Variants in ONECUT3 observed in about 807,000 individuals in gnomAD.
ONECUT3 encodes one cut domain family member 3.
In ONECUT3, 11 loss-of-function variants were observed where a neutral mutation model predicts 16.8. That is an observed-to-expected ratio of 0.66 (90% confidence interval 0.41 to 1.09). The LOEUF is 1.09. ONECUT3 is among the 50% of genes least tolerant of loss of function. ONECUT3 has a pLI of 0.00. For synonymous variants in ONECUT3, 344 were observed against 310.7 expected (o/e 1.11, Z -1.13); for missense variants, 637 against 629.9 (o/e 1.01, Z -0.12).
rs1453815096 is a variant in ONECUT3 at position 1,758,733 on chromosome 19, C to T, written c.1192+3879C>T. Among the ~76,000 whole-genome samples, 2 of 151,562 alleles carry T rather than the reference C, an allele frequency of 1.3e-5. No homozygotes were observed. The highest frequency in any genetic ancestry group is 4.8e-5 in the African/African-American group (2 of 41,238). On this transcript the variant is annotated intron_variant, in intron 1 of 1. Transcript: ENST00000382349. This position sits in a 1 kb window ranked among gnomAD's most constrained non-coding sequence, Gnocchi z 5.9. ...TCCTGGTCAAAGCTCTCCCCTGGCG[C>T]CGTCTCCAACAGTAATTATGGGAGA...
intron 1 of ONECUT3, 27 bp from the exon 2 acceptor site, chr19:1,775,126 G>GGGCGCCCCC: frequency 8.7e-7 from 1 of 1,143,898 alleles, no homozygotes; most frequent in Non-Finnish European, 1.2e-6. Context: ...TGTCCCGCTC[G>GGGCGCCCCC]CCCGCCCGCC....
rs532583632 is a variant in ONECUT3 at position 1,757,874 on chromosome 19, C to T, written c.1192+3020C>T. 3.1e-3 allele frequency among the ~76,000 whole-genome samples: 467 copies of T among 152,330 alleles called. 1 individual carries two copies. Among genetic ancestry groups the T allele is most frequent in the Admixed American group, 6.3e-3 (96 of 15,306 alleles). On this transcript the variant is annotated intron_variant, in intron 1 of 1. Transcript: ENST00000382349. ...GCTCGGAAAGGGAACTCTGCCCCCG[C>T]CCCGCCCCCGCACCATTTCAACCCC...
chr19:1,763,505 C>G (rs977416766), intron 1 of ONECUT3, among the ~76,000 whole-genome samples: 8 of 151,290 alleles, frequency 5.3e-5, no homozygotes, highest in Non-Finnish European at 8.8e-5. Context: ...ATGACTGCGT[C>G]ACTTCATTCC....
At position 1,759,509 on chromosome 19, in the gene ONECUT3, GGGAA is replaced by G. The variant is rs1356641160; in HGVS notation, c.1192+4662_1192+4665del. 1.3e-5 allele frequency among the ~76,000 whole-genome samples: 2 copies of G among 152,048 alleles called. No homozygotes were observed. Among genetic ancestry groups the G allele is most frequent in the Non-Finnish European group, 2.9e-5 (2 of 67,986 alleles). ...GAGGAGGAGGAGGAGAGGGAAGGGA[GGGAA>G]GGAAGGGGAGAGAGGAGAGAGGGAA... On this transcript the variant is annotated intron_variant, in intron 1 of 1. Transcript: ENST00000382349. The surrounding 1 kb of genome is among the most constrained non-coding windows in gnomAD (Gnocchi z 4.1).
In ONECUT3 at chr19:1,766,589, G is replaced by A. The variant is rs534396958; in HGVS notation, c.1193-8564G>A. Among the ~76,000 whole-genome samples the A allele has an allele frequency of 6.5e-4, 99 of 151,734 alleles. No homozygotes were observed. The highest frequency in any genetic ancestry group is 2.3e-3 in the African/African-American group (96 of 41,360). ...AGAGGGAGGGAGGGTGAGTGGAAAA[G>A]GAGGGGTGAGGAGGAGGAGAGGGGA... On this transcript the variant is annotated intron_variant, in intron 1 of 1. Transcript: ENST00000382349. The surrounding 1 kb of genome is among the most constrained non-coding windows in gnomAD (Gnocchi z 4.0).
intron 1 of ONECUT3, among the ~76,000 whole-genome samples, chr19:1,772,965 A>T (rs542883591): frequency 6.6e-6 from 1 of 150,626 alleles, no homozygotes; most frequent in East Asian, 2.0e-4. Flanking sequence ...GGCCTCCCAA[A>T]GTGCTGGGAT....
At position 1,758,727 on chromosome 19, in the gene ONECUT3, C is replaced by T. The variant is rs1381859757; in HGVS notation, c.1192+3873C>T. ...GCTGCCTCCTGGTCAAAGCTCTCCCCTGGCGCCGTCTCCAACAGTAATTAT... is the reference window on the plus strand; with the variant it reads ...GCTGCCTCCTGGTCAAAGCTCTCCCTTGGCGCCGTCTCCAACAGTAATTAT... On this transcript the variant is annotated intron_variant, in intron 1 of 1. Transcript: ENST00000382349. This position sits in a 1 kb window ranked among gnomAD's most constrained non-coding sequence, Gnocchi z 5.9. Among the ~76,000 whole-genome samples the T allele has an allele frequency of 4.1e-5, 6 of 146,748 alleles. No individual in the cohort carries two copies. In the South Asian group the frequency reaches 9.2e-4, roughly 23 times the overall value.
intron 1 of ONECUT3, among the ~76,000 whole-genome samples, chr19:1,761,836 C>A (rs1350919634): frequency 6.6e-6 from 1 of 152,194 alleles, no homozygotes; most frequent in East Asian, 1.9e-4. Context: ...GCTGAGAAAC[C>A]GGCACCCCTC....
Position 1,777,022 on chromosome 19 carries a change from AAGAGAG to A in ONECUT3, c.*1590_*1595del, listed in dbSNP as rs57734759. On this transcript the variant is annotated 3_prime_UTR_variant, in exon 2 of 2. Transcript: ENST00000382349. ...CACCCCTTCCCGAACCTGAGAGCGA[AAGAGAG>A]AGAGAGAGAGAGGGAGAGAGAGGGA... 18,628 of 136,392 alleles carry A rather than the reference AAGAGAG, an allele frequency of 0.14. 1,381 individuals are homozygous for A. Among genetic ancestry groups the A allele is most frequent in the African/African-American group, 0.22 (8,280 of 37,080 alleles). 8.4% of individuals were successfully genotyped at this position (136,392 alleles called of 1,614,324 possible). A position where few individuals can be genotyped will look rare whatever the true frequency, so the allele number is the denominator to read the frequency against.
rs1312885852 is a variant in ONECUT3, at chr19:1,779,572, A to C, written c.*4127A>C. On this transcript the variant is annotated 3_prime_UTR_variant, in exon 2 of 2. Transcript: ENST00000382349. ...TTCTGTGTTCAAATGTAATTTAAGA[A>C]AAAAAAAGGAAGAAAAATGCAAAAA... 1 of 151,196 alleles carries C rather than the reference A, an allele frequency of 6.6e-6. No individual in the cohort carries two copies. Among genetic ancestry groups the C allele is most frequent in the African/African-American group, 2.4e-5 (1 of 41,054 alleles). 9.4% of individuals were successfully genotyped at this position (151,196 alleles called of 1,614,324 possible).
At chr19:1,756,495 G>C (rs1184165530) in intron 1 of ONECUT3, among the ~76,000 whole-genome samples, 1 of 152,106 alleles carries the variant, frequency 6.6e-6, no homozygotes. Flanking sequence ...GAGGTGCAGT[G>C]CGAGGCCTCA....
Position 1,758,454 on chromosome 19 carries a change from T to C in ONECUT3, c.1192+3600T>C, listed in dbSNP as rs1201592580. Among the ~76,000 whole-genome samples the C allele has an allele frequency of 6.6e-6, 1 of 152,048 alleles. No individual in the cohort carries two copies. Among genetic ancestry groups the C allele is most frequent in the Non-Finnish European group, 1.5e-5 (1 of 68,004 alleles). ...ACTTGGGAGAGGGGAATAGGTGTTT[T>C]CCTTGTTTCACCAAAGCACGCAAGA... On this transcript the variant is annotated intron_variant, in intron 1 of 1. Transcript: ENST00000382349. The surrounding 1 kb of genome is among the most constrained non-coding windows in gnomAD (Gnocchi z 5.9).
intron 1 of ONECUT3, among the ~76,000 whole-genome samples, chr19:1,760,613 C>T (rs1433770874): frequency 1.3e-5 from 2 of 151,568 alleles, no homozygotes; most frequent in East Asian, 3.9e-4. Context: ...CATGTGAGTC[C>T]TCTCACCTGG....
intron 1 of ONECUT3, among the ~76,000 whole-genome samples, chr19:1,760,547 C>T (rs1318522325): frequency 6.6e-6 from 1 of 152,054 alleles, no homozygotes; most frequent in Non-Finnish European, 1.5e-5. Context: ...GGTGGTGAGG[C>T]CTGCGCTGCG....
Position 1,754,085 on chromosome 19 carries a change from C to G in ONECUT3, c.423C>G (p.Pro141=). 1 of 1,005,258 alleles carries G rather than the reference C, an allele frequency of 9.9e-7. No homozygotes were observed. The highest frequency in any genetic ancestry group is 1.2e-6 in the Non-Finnish European group (1 of 845,022). The allele number at this position is 1,005,258 out of a possible 1,614,324, so 62.3% of individuals were successfully genotyped here. ...AAVAGAHGGH[P]HAHPHPAAAP... ...TGGCCGGGGCGCACGGCGGCCATCC[C>G]CACGCGCACCCGCACCCGGCGGCCG... The change falls in exon 1 of 2, where the codon CCC becomes CCG. Residue 141 remains proline (P), a synonymous_variant. Transcript: ENST00000382349. This position sits in a 1 kb window ranked among gnomAD's most constrained non-coding sequence, Gnocchi z 7.4.
intron 1 of ONECUT3, among the ~76,000 whole-genome samples, chr19:1,767,055 TAGG>T (rs2067998829): frequency 6.6e-6 from 1 of 151,878 alleles, no homozygotes; most frequent in Admixed American, 6.6e-5. Flanking sequence ...GAGGAATGTG[TAGG>T]AGTTCTCTGG....
Position 1,775,663 on chromosome 19 carries a change from G to A in ONECUT3, c.*218G>A. On this transcript the variant is annotated 3_prime_UTR_variant, in exon 2 of 2. Transcript: ENST00000382349. ...CCTCCCTCCATGCCCACTCCCTCCA[G>A]GCCAAAGGAAGCCCTCCACCCCCCC... 2.3e-6 allele frequency: 1 copy of A among 433,922 alleles called. No individual in the cohort carries two copies. The highest frequency in any genetic ancestry group is 3.8e-5 in the South Asian group (1 of 26,160). 26.9% of individuals were successfully genotyped at this position (433,922 alleles called of 1,614,324 possible).
chr19:1,773,829 G>A (rs1316738471), intron 1 of ONECUT3, among the ~76,000 whole-genome samples: 1 of 152,178 alleles, frequency 6.6e-6, no homozygotes, highest in Non-Finnish European at 1.5e-5. Context: ...GGAAGCCTGT[G>A]TTTTGTACCC....
In ONECUT3 at chr19:1,753,623, C is replaced by A; in HGVS notation, c.-40C>A. 2.4e-6 allele frequency: 2 copies of A among 849,328 alleles called. No homozygotes were observed. Among genetic ancestry groups the A allele is most frequent in the Non-Finnish European group, 2.9e-6 (2 of 690,976 alleles). The allele number at this position is 849,328 out of a possible 1,614,324, so 52.6% of individuals were successfully genotyped here. On this transcript the variant is annotated 5_prime_UTR_variant, in exon 1 of 2. Coordinates refer to ENST00000382349, the MANE Select transcript of ONECUT3 (RefSeq NM_001080488.2). ...ATGCAGCGGCCTTGAGCACTAGGGG[C>A]CGGCGCTGAGGAGCGCGCGCGGCGG...
Sources: gnomAD v4.1 joint callset for allele counts (sites outside exome capture counted in the v4.1 genomes callset) on GRCh38, gnomAD v4.1.1 for gene constraint, Gnocchi (gnomAD v3.1) non-coding constraint, MANE v1.5 for transcripts, NCBI Gene and HGNC (gene_info 2026-07-23, HGNC 2026-07-21) for gene names.